The following HMCN2 variants were observed in gnomAD, a reference collection of about 807,000 sequenced individuals.
HMCN2 encodes hemicentin 2, also known as hemicentin-2.
A neutral mutation model predicts 377.5 loss-of-function variants in HMCN2; 325 were observed. The ratio of observed to expected loss-of-function variants is 0.86; its 90% CI spans 0.79 to 0.94. The LOEUF (loss-of-function observed/expected upper bound fraction) is 0.94, where lower values mean the gene tolerates loss of function less well. Among genes scored for constraint, HMCN2 ranks in the 40% least tolerant of loss-of-function variants. The pLI is 0.00. For synonymous variants in HMCN2, 2,007 were observed against 2,046.8 expected (o/e 0.98, Z 0.53); for missense variants, 4,543 against 4,725.3 (o/e 0.96, Z 1.13).
Position 130,407,600 on chromosome 9 carries a change from A to G in HMCN2, c.12583A>G (p.Thr4195Ala). Residue 4195 changes from threonine to alanine, a missense_variant, in exon 83 of 98, where the codon ACG becomes GCG. Thr to Ala is a moderately conservative substitution (Grantham distance 58). Around this residue, in one of 5 missense-constraint regions of HMCN2, gnomAD observed 1,073 missense variants for 1,319.5 expected, o/e 0.81. Coordinates refer to ENST00000683500, the MANE Select transcript of HMCN2 (RefSeq NM_001291815.2). The part of the protein sequence containing the change: ...EGVSEQDGGS[T>A]LQRAAVSRED... ...GGTGTCTGAGCAGGATGGAGGCAGCACGCTGCAGCGGGCCGCTGTCTCCAG... is the reference window on the plus strand; with the variant it reads ...GGTGTCTGAGCAGGATGGAGGCAGCGCGCTGCAGCGGGCCGCTGTCTCCAG... The G allele has an allele frequency of 1.6e-6, 2 of 1,289,478 alleles. No individual in the cohort carries two copies. Among genetic ancestry groups the G allele is most frequent in the South Asian group, 1.2e-5 (1 of 81,022 alleles). 79.9% of individuals were successfully genotyped at this position (1,289,478 alleles called of 1,614,324 possible). A position where few individuals can be genotyped will look rare whatever the true frequency, so the allele number is the denominator to read the frequency against.
intron 85 of HMCN2, among the ~76,000 whole-genome samples, chr9:130,417,952 A>G (rs1274542435): frequency 1.3e-5 from 2 of 152,156 alleles, no homozygotes; most frequent in African/African-American, 4.8e-5. Context: ...CTAGCCTTCC[A>G]GGAGGGTCTA....
At chr9:130,293,874 T>C (rs1314525225) in intron 4 of HMCN2, among the ~76,000 whole-genome samples, 1 of 152,078 alleles carries the variant, frequency 6.6e-6, no homozygotes, top group African/African-American at 2.4e-5. Flanking sequence ...CAGAGCCTTT[T>C]CAGGATTAGA....
intron 15 of HMCN2, among the ~76,000 whole-genome samples, 165 bp from the exon 16 acceptor site, chr9:130,319,330 G>A (rs1017583503): frequency 1.3e-4 from 20 of 152,156 alleles, no homozygotes; most frequent in African/African-American, 4.8e-4. Context: ...CTCTCCAGGG[G>A]TGGATGCCAC....
rs570523934 is a variant in HMCN2 at position 130,282,621 on chromosome 9, T to C, written c.260-1982T>C. On this transcript the variant is annotated intron_variant, in intron 1 of 97. Transcript: ENST00000683500. ...GGGCCGGGGCCACGGGGGAAGCTGG[T>C]GTCAGCTCATCCTCGATCATTGTGA... Among the ~76,000 whole-genome samples the C allele has an allele frequency of 4.6e-5, 7 of 152,320 alleles. No individual in the cohort carries two copies. The East Asian group carries it at 1.4e-3, about 29-fold the overall frequency.
At chr9:130,280,168 GT>G (rs1236609644) in intron 1 of HMCN2, among the ~76,000 whole-genome samples, 9 of 116,112 alleles carry the variant, frequency 7.8e-5, no homozygotes, top group African/African-American at 1.7e-4. Flanking sequence ...TTTTTTTTTG[GT>G]TTTTTTTTTT....
chr9:130,272,611 G>C (rs890302496), intron 1 of HMCN2, among the ~76,000 whole-genome samples: 4 of 152,018 alleles, frequency 2.6e-5, no homozygotes, highest in Non-Finnish European at 5.9e-5. Flanking sequence ...GCAGTGGCTC[G>C]ATCATGGCTC....
intron 4 of HMCN2, among the ~76,000 whole-genome samples, chr9:130,289,673 C>T (rs782039153): frequency 4.6e-5 from 7 of 152,158 alleles, no homozygotes; most frequent in African/African-American, 1.2e-4. Flanking sequence ...CCCACCCCCC[C>T]GTGCTTCAAT....
intron 1 of HMCN2, among the ~76,000 whole-genome samples, 184 bp downstream of exon 1, chr9:130,266,321 C>T (rs1834097101): frequency 6.6e-6 from 1 of 152,184 alleles, no homozygotes; most frequent in South Asian, 2.1e-4. Flanking sequence ...TGCAGCTGTC[C>T]CTTCCCTCCC....
At position 130,394,539 on chromosome 9, in the gene HMCN2, C is replaced by G; in HGVS notation, c.10656C>G (p.Ser3552Arg). 7.8e-7 allele frequency: 1 copy of G among 1,289,478 alleles called. No homozygotes were observed. Among genetic ancestry groups the G allele is most frequent in the Non-Finnish European group, 1.0e-6 (1 of 988,714 alleles). The allele number at this position is 1,289,478 out of a possible 1,614,324, so 79.9% of individuals were successfully genotyped here. ...CCCTGACCAGGCTGGAGAACAACAG[C>G]AGAGCCACACGGGTGCTCCGGGTGG... ...GQALTRLENNSRATRVLRVEN... is the reference protein window; with the variant it reads ...GQALTRLENNRRATRVLRVEN... Residue 3552 changes from serine (S) to arginine (R), a missense_variant, in exon 69 of 98, where the codon AGC (serine) becomes AGG (arginine). Ser to Arg is a moderately radical substitution (Grantham distance 110). Around this residue, in one of 5 missense-constraint regions of HMCN2, gnomAD observed 1,073 missense variants for 1,319.5 expected, o/e 0.81. Transcript: ENST00000683500. The surrounding 1 kb of genome is among the most constrained non-coding windows in gnomAD (Gnocchi z 5.1).
At chr9:130,340,322 C>T (rs900345742) in intron 23 of HMCN2, among the ~76,000 whole-genome samples, 6 of 152,208 alleles carry the variant, frequency 3.9e-5, no homozygotes, top group Admixed American at 6.5e-5. Context: ...CATTTCATCC[C>T]GCAGGGCGGG....
At chr9:130,432,696 A>T in intron 97 of HMCN2, 141 bp downstream of exon 97, 2 of 883,806 alleles carry the variant, frequency 2.3e-6, no homozygotes, top group South Asian at 3.4e-5. Context: ...GGGCAGGGAG[A>T]GGCCAGAGTG....
chr9:130,433,823 T>A lies in HMCN2; in HGVS notation c.*130T>A. ...CCCGCCCCGTGCGTCAGCGAGACCT[T>A]GGGTCAACACGACCCTGCGCACAGC... On this transcript the variant is annotated 3_prime_UTR_variant, in exon 98 of 98. Transcript: ENST00000683500. The A allele has an allele frequency of 1.3e-6, 1 of 766,588 alleles. No individual in the cohort carries two copies. Among genetic ancestry groups the A allele is most frequent in the Non-Finnish European group, 1.9e-6 (1 of 516,476 alleles). 47.5% of individuals were successfully genotyped at this position (766,588 alleles called of 1,614,324 possible).
chr9:130,292,168 CT>C (rs1463736431), intron 4 of HMCN2, among the ~76,000 whole-genome samples: 5 of 152,146 alleles, frequency 3.3e-5, no homozygotes, highest in Non-Finnish European at 7.3e-5. Context: ...CAAATAGTGT[CT>C]GAGCATCCTA....
intron 85 of HMCN2, among the ~76,000 whole-genome samples, chr9:130,411,508 G>A (rs1843404576): frequency 7.1e-6 from 1 of 140,194 alleles, no homozygotes; most frequent in Admixed American, 8.1e-5. Context: ...GCTGAGGCAG[G>A]AAAATCACTT....
In HMCN2 at chr9:130,394,720, C is replaced by G. The variant is rs1167088757; in HGVS notation, c.10692+145C>G. On this transcript the variant is annotated intron_variant, in intron 69 of 97. Transcript: ENST00000683500. This position sits in a 1 kb window ranked among gnomAD's most constrained non-coding sequence, Gnocchi z 5.1. ...GTGTGAGGGTGTGGAGGTGACCCAC[C>G]TTGGCCGTGCCCTTGGGAGCTGCCA... The G allele has an allele frequency of 7.6e-6, 5 of 655,712 alleles. No individual in the cohort carries two copies. The highest frequency in any genetic ancestry group is 1.1e-5 in the Non-Finnish European group (5 of 453,280). 40.6% of individuals were successfully genotyped at this position (655,712 alleles called of 1,614,324 possible). A position where few individuals can be genotyped will look rare whatever the true frequency, so the allele number is the denominator to read the frequency against.
chr9:130,369,688 G>GC lies in HMCN2; in HGVS notation c.6907dup (p.Arg2303ProfsTer9). ...AACCCCCTCCGACAGTGACATGGGAGCGGGACGGCCAGCCCGTGGGGGCTG... is the reference window on the plus strand; with the variant it reads ...AACCCCCTCCGACAGTGACATGGGAGCCGGGACGGCCAGCCCGTGGGGGCTG... On this transcript the variant is annotated frameshift_variant, in exon 45 of 98. Coordinates refer to ENST00000683500, the MANE Select transcript of HMCN2 (RefSeq NM_001291815.2). LOFTEE classifies it high-confidence loss of function. This position sits in a 1 kb window ranked among gnomAD's most constrained non-coding sequence, Gnocchi z 4.5. 1.0e-6 allele frequency: 1 copy of GC among 986,028 alleles called. No individual in the cohort carries two copies. Among genetic ancestry groups the GC allele is most frequent in the African/African-American group, 1.7e-5 (1 of 57,358 alleles). The allele number at this position is 986,028 out of a possible 1,614,324, so 61.1% of individuals were successfully genotyped here.
intron 15 of HMCN2, among the ~76,000 whole-genome samples, chr9:130,311,271 G>A (rs1457520799): frequency 6.6e-6 from 1 of 152,228 alleles, no homozygotes; most frequent in East Asian, 1.9e-4. Context: ...TGGGGCAGCC[G>A]AGGAGCTCCC....
At chr9:130,345,656 C>CA (rs1260339928) in intron 25 of HMCN2, among the ~76,000 whole-genome samples, 43 of 151,670 alleles carry the variant, frequency 2.8e-4, no homozygotes, top group African/African-American at 1.0e-3. Flanking sequence ...TGTGTATCCC[C>CA]ACAGTGGGGA....
At chr9:130,364,117 G>C (rs1478043341) in intron 40 of HMCN2, among the ~76,000 whole-genome samples, 1 of 152,198 alleles carries the variant, frequency 6.6e-6, no homozygotes, top group Non-Finnish European at 1.5e-5. Flanking sequence ...AATACATATT[G>C]TATGCCCAAG....
Sources: allele counts gnomAD v4.1 joint callset (sites outside exome capture counted in the v4.1 genomes callset), GRCh38; gene constraint gnomAD v4.1.1; regional missense constraint gnomAD v4.1.1; non-coding constraint Gnocchi (gnomAD v3.1); transcripts MANE v1.5; gene names NCBI Gene and HGNC (gene_info 2026-07-23, HGNC 2026-07-21).